Variants in DAB1 observed in about 807,000 individuals in gnomAD.
The protein encoded by DAB1 is DAB adaptor protein 1, also known as disabled homolog 1.
In DAB1, 15 loss-of-function variants were observed where a neutral mutation model predicts 64.6. The observed-to-expected ratio is 0.23, with a 90% CI of 0.16 to 0.36. The LOEUF (loss-of-function observed/expected upper bound fraction) is 0.36, where lower values mean the gene tolerates loss of function less well. DAB1 is among the 10% of genes least tolerant of loss of function. The probability of loss-of-function intolerance (pLI) is 1.00; values close to 1 mark genes in which losing one functional copy is unlikely to be tolerated. For missense variants in DAB1, 596 were observed against 706.7 expected, an observed-to-expected ratio of 0.84 and a Z score of 1.78; for synonymous variants, 235 against 251.9, an observed-to-expected ratio of 0.93 and a Z score of 0.64.
chr1:58,091,063 C>T (rs1434852452), intron 5 of DAB1, among the ~76,000 whole-genome samples: 1 of 152,204 alleles, frequency 6.6e-6, no homozygotes, highest in Non-Finnish European at 1.5e-5. Flanking sequence ...TTCCTGTTTG[C>T]ATTAGCAATT....
At chr1:58,406,848 C>A (rs1207859039) in intron 3 of DAB1, among the ~76,000 whole-genome samples, 1 of 152,032 alleles carries the variant, frequency 6.6e-6, no homozygotes, top group African/African-American at 2.4e-5. Context: ...GAGCTCCCTA[C>A]CCGCTGTGTG....
intron 2 of DAB1, among the ~76,000 whole-genome samples, chr1:57,223,584 T>G (rs1171966984): frequency 2.0e-5 from 3 of 152,130 alleles, no homozygotes; most frequent in African/African-American, 7.2e-5. Flanking sequence ...ACTGAGTGGA[T>G]GGAAGCCACG....
intron 4 of DAB1, among the ~76,000 whole-genome samples, chr1:58,290,172 T>C (rs1661781062): frequency 6.6e-6 from 1 of 152,186 alleles, no homozygotes; most frequent in Non-Finnish European, 1.5e-5. Flanking sequence ...GATCATGTAC[T>C]GGGTGTCTTG....
chr1:57,861,488 A>G (rs1654031339), intron 1 of DAB1, among the ~76,000 whole-genome samples: 1 of 152,064 alleles, frequency 6.6e-6, no homozygotes, highest in African/African-American at 2.4e-5. Context: ...GCCTCTAAAT[A>G]CCATCACACT....
intron 5 of DAB1, among the ~76,000 whole-genome samples, chr1:58,143,068 G>A (rs376012678): frequency 6.6e-6 from 1 of 152,084 alleles, no homozygotes; most frequent in Non-Finnish European, 1.5e-5. Context: ...GTGAAACCCA[G>A]CAATCTGAGT....
chr1:57,894,086 G>C (rs573817890), intron 5 of DAB1, among the ~76,000 whole-genome samples: 1 of 152,118 alleles, frequency 6.6e-6, no homozygotes, highest in Non-Finnish European at 1.5e-5. Context: ...AGAATCAGGG[G>C]AGAAGGGACA....
intron 6 of DAB1, among the ~76,000 whole-genome samples, chr1:57,767,047 A>T (rs1649343619): frequency 6.6e-6 from 1 of 152,138 alleles, no homozygotes; most frequent in South Asian, 2.1e-4. Context: ...TCAGCCCATC[A>T]ATGTGTTCAC....
At chr1:57,743,677 C>A (rs554002299) in intron 6 of DAB1, among the ~76,000 whole-genome samples, 3 of 152,264 alleles carry the variant, frequency 2.0e-5, no homozygotes, top group African/African-American at 7.2e-5. Flanking sequence ...CCTGACTCTG[C>A]CGAGAGCAGC....
chr1:57,503,359 C>T (rs1055351894), intron 7 of DAB1, among the ~76,000 whole-genome samples: 1 of 152,228 alleles, frequency 6.6e-6, no homozygotes, highest in Non-Finnish European at 1.5e-5. Flanking sequence ...CCAGTTAACA[C>T]ACATGACTTT....
intron 5 of DAB1, among the ~76,000 whole-genome samples, chr1:57,972,082 A>G (rs1439793747): frequency 2.0e-5 from 3 of 152,212 alleles, no homozygotes. Context: ...AGTAGATACC[A>G]TTGTGATTAA....
At chr1:57,961,027 T>C (rs1645508486) in intron 5 of DAB1, among the ~76,000 whole-genome samples, 1 of 152,230 alleles carries the variant, frequency 6.6e-6, no homozygotes, top group African/African-American at 2.4e-5. Context: ...TTAACTTCTC[T>C]GAGTCTTCTT....
chr1:57,577,406 G>A (rs72908514), intron 7 of DAB1, among the ~76,000 whole-genome samples: 1,821 of 74,424 alleles, frequency 0.024, 53 homozygotes, highest in African/African-American at 0.073. Flanking sequence ...TGTGTGGCTG[G>A]AGGCTTCCTA....
chr1:58,124,298 C>A (rs1445315395), intron 5 of DAB1, among the ~76,000 whole-genome samples: 2 of 151,996 alleles, frequency 1.3e-5, no homozygotes, highest in Non-Finnish European at 2.9e-5. Context: ...TAAGCACCAG[C>A]ACTCTAAATA....
intron 1 of DAB1, among the ~76,000 whole-genome samples, chr1:58,543,239 AAC>A (rs1483337038): frequency 2.0e-5 from 3 of 152,222 alleles, no homozygotes; most frequent in African/African-American, 7.2e-5. Flanking sequence ...CATGGTATAA[AAC>A]AGTTATACAT....
intron 1 of DAB1, among the ~76,000 whole-genome samples, chr1:57,423,560 T>C (rs1685097936): frequency 6.6e-6 from 1 of 151,358 alleles, no homozygotes; most frequent in Non-Finnish European, 1.5e-5. Flanking sequence ...CGAGGTCCGA[T>C]ATAGCCAGGA....
intron 4 of DAB1, among the ~76,000 whole-genome samples, chr1:58,336,976 T>C (rs1355660889): frequency 5.3e-5 from 8 of 151,988 alleles, no homozygotes; most frequent in African/African-American, 1.9e-4. Context: ...TAAAAGCAAA[T>C]GCCAGGTGTG....
chr1:58,051,298 G>T (rs1004897104), intron 5 of DAB1, among the ~76,000 whole-genome samples: 8 of 152,046 alleles, frequency 5.3e-5, no homozygotes, highest in African/African-American at 1.9e-4. Context: ...AACATGTGGT[G>T]TTTGGTTTTC....
At chr1:57,839,640 AC>A (rs952316394) in intron 1 of DAB1, among the ~76,000 whole-genome samples, 3 of 152,320 alleles carry the variant, frequency 2.0e-5, no homozygotes, top group Non-Finnish European at 2.9e-5. Flanking sequence ...ATAAAATTGT[AC>A]CCAGAGGCCT....
At position 58,358,587 on chromosome 1, in the gene DAB1, G is replaced by A. The variant is rs116307672; in HGVS notation, n.258-15184C>T. The stretch of plus-strand genomic sequence containing the variant: ...TTGCTTACTCCTCAGCTCGAAGACA[G>A]AAAAGAAACAGAAGGTGGGGATGCA... On this transcript the variant is annotated intron_variant and non_coding_transcript_variant, in intron 3 of 20. Coordinates refer to the DAB1 transcript ENST00000485760. Among the ~76,000 whole-genome samples, 1,302 of 152,220 alleles carry A rather than the reference G, an allele frequency of 8.6e-3. 23 individuals are homozygous for A. Among genetic ancestry groups the A allele is most frequent in the African/African-American group, 0.03 (1,227 of 41,524 alleles).
Sources: gnomAD v4.1 joint callset for allele counts (sites outside exome capture counted in the v4.1 genomes callset) on GRCh38, gnomAD v4.1.1 for gene constraint, MANE v1.5 for transcripts, NCBI Gene and HGNC (gene_info 2026-07-23, HGNC 2026-07-21) for gene names.